The following RORA variants were observed in gnomAD, a reference collection of about 807,000 sequenced individuals.
RORA encodes the protein RAR related orphan receptor A, also known as nuclear receptor ROR-alpha.
Under a neutral mutation model 69.5 loss-of-function variants are expected in RORA, and 7 were observed. That is an observed-to-expected ratio of 0.10 (90% CI 0.06 to 0.19). The LOEUF (loss-of-function observed/expected upper bound fraction) is 0.19. RORA is among the 10% of genes least tolerant of loss of function. The pLI, the probability that RORA is intolerant of heterozygous loss-of-function variation, is 1.00. For missense variants in RORA, 457 were observed against 663.0 expected, an observed-to-expected ratio of 0.69 and a Z score of 3.41; for synonymous variants, 261 against 240.8, an observed-to-expected ratio of 1.08 and a Z score of -0.78.
intron 3 of RORA, among the ~76,000 whole-genome samples, chr15:60,516,211 ATATATATATATT>A (rs1286406160): frequency 0.45 from 7,904 of 17,430 alleles, 1,683 homozygotes; most frequent in South Asian, 0.51. Flanking sequence ...ATATATATTT[ATATATATATATT>A]TATATATATA....
At chr15:60,763,652 G>A (rs1441491339) in intron 1 of RORA, among the ~76,000 whole-genome samples, 1 of 152,046 alleles carries the variant, frequency 6.6e-6, no homozygotes, top group East Asian at 1.9e-4. Context: ...AAGCATACGT[G>A]GGAAAATATG....
At chr15:60,875,763 T>C (rs1008905784) in intron 1 of RORA, among the ~76,000 whole-genome samples, 3 of 152,156 alleles carry the variant, frequency 2.0e-5, no homozygotes, top group African/African-American at 7.2e-5. Flanking sequence ...TGGGAATAAA[T>C]TCTGCAGCCA....
intron 1 of RORA, among the ~76,000 whole-genome samples, chr15:60,896,429 C>G (rs1394314954): frequency 6.6e-6 from 1 of 152,220 alleles, no homozygotes; most frequent in East Asian, 1.9e-4. Flanking sequence ...CCATTAGACC[C>G]TTTAAAAACA....
intron 2 of RORA, among the ~76,000 whole-genome samples, chr15:60,574,936 G>A (rs771621123): frequency 6.6e-6 from 1 of 152,070 alleles, no homozygotes; most frequent in Non-Finnish European, 1.5e-5. Context: ...ACCCGGAAGA[G>A]CCAGGAGAGA....
intron 1 of RORA, among the ~76,000 whole-genome samples, chr15:61,206,021 C>T (rs1050464103): frequency 3.9e-5 from 6 of 152,120 alleles, no homozygotes; most frequent in Non-Finnish European, 8.8e-5. Flanking sequence ...TTCCTAAAGA[C>T]GCAGTGAGAA....
intron 1 of RORA, among the ~76,000 whole-genome samples, chr15:61,214,707 G>C (rs1442263469): frequency 2.0e-5 from 3 of 152,028 alleles, no homozygotes. Context: ...ACTGGAGATG[G>C]ACCAGGTAAA....
chr15:61,085,982 T>C (rs543769140), intron 1 of RORA, among the ~76,000 whole-genome samples: 15 of 152,348 alleles, frequency 9.8e-5, no homozygotes, highest in Non-Finnish European at 5.9e-5. Context: ...TGCTGGGTCA[T>C]AGTTTGTCAA....
chr15:60,954,780 T>G (rs1893218835), intron 1 of RORA, among the ~76,000 whole-genome samples: 1 of 152,190 alleles, frequency 6.6e-6, no homozygotes, highest in Non-Finnish European at 1.5e-5. Context: ...AGACCAGTTA[T>G]TTTTGCTGAG....
At chr15:61,114,244 C>T (rs2140793792) in intron 1 of RORA, among the ~76,000 whole-genome samples, 1 of 152,236 alleles carries the variant, frequency 6.6e-6, no homozygotes, top group East Asian at 1.9e-4. Context: ...CCCCCAAACC[C>T]AAGCAAACTC....
At chr15:60,589,772 A>T (rs905442388) in intron 2 of RORA, among the ~76,000 whole-genome samples, 1 of 152,286 alleles carries the variant, frequency 6.6e-6, no homozygotes, top group Middle Eastern at 3.4e-3. Context: ...ACTGATGTTT[A>T]AAAAACATCA....
At chr15:60,830,589 T>C (rs967306794) in intron 1 of RORA, among the ~76,000 whole-genome samples, 4 of 152,224 alleles carry the variant, frequency 2.6e-5, no homozygotes, top group Non-Finnish European at 4.4e-5. Context: ...TCTGTAACTG[T>C]CTTAGTGGCT....
chr15:60,859,655 C>CTTTTTTTTT (rs71122880), intron 1 of RORA, among the ~76,000 whole-genome samples: 3 of 101,590 alleles, frequency 3.0e-5, no homozygotes, highest in East Asian at 3.1e-4. Flanking sequence ...TTCTTTCTTT[C>CTTTTTTTTT]TTTTTTTTTT....
At chr15:60,902,277 T>C (rs2140469100) in intron 1 of RORA, among the ~76,000 whole-genome samples, 1 of 129,444 alleles carries the variant, frequency 7.7e-6, no homozygotes, top group East Asian at 2.1e-4. Context: ...ATTTCAATTT[T>C]ATGATTTTTT....
intron 1 of RORA, among the ~76,000 whole-genome samples, chr15:61,083,748 A>G (rs1247678269): frequency 6.6e-6 from 1 of 151,946 alleles, no homozygotes; most frequent in East Asian, 2.0e-4. Flanking sequence ...TGCTCTTCCC[A>G]GAAAAAATCA....
In RORA at chr15:60,491,557, T is replaced by C. The variant is rs1343278687; in HGVS notation, c.*5898A>G. The C allele has an allele frequency of 6.6e-6, 1 of 151,912 alleles. No individual in the cohort carries two copies. Among genetic ancestry groups the C allele is most frequent in the Non-Finnish European group, 1.5e-5 (1 of 67,948 alleles). The allele number at this position is 151,912 out of a possible 1,614,324, so 9.4% of individuals were successfully genotyped here. A position where few individuals can be genotyped will look rare whatever the true frequency, so the allele number is the denominator to read the frequency against. The stretch of plus-strand genomic sequence containing the variant: ...GAATATTCTGTCATTCATTTATAAA[T>C]AAATGACTGAATGTATTTATTGCTC... On this transcript the variant is annotated 3_prime_UTR_variant, in exon 11 of 11. Coordinates refer to ENST00000335670, the MANE Select transcript of RORA (RefSeq NM_134261.3).
intron 2 of RORA, among the ~76,000 whole-genome samples, chr15:60,663,929 G>A (rs920165702): frequency 2.0e-5 from 3 of 152,176 alleles, no homozygotes; most frequent in Non-Finnish European, 4.4e-5. Context: ...GGGATAGAAC[G>A]AGGAAGAACT....
intron 2 of RORA, among the ~76,000 whole-genome samples, chr15:60,619,940 T>C (rs1031581564): frequency 6.6e-6 from 1 of 152,228 alleles, no homozygotes; most frequent in Admixed American, 6.5e-5. Context: ...GTTCATTTAT[T>C]CAGGTTTCCA....
intron 2 of RORA, among the ~76,000 whole-genome samples, chr15:60,631,926 G>A (rs2069745942): frequency 6.6e-6 from 1 of 152,096 alleles, no homozygotes; most frequent in Non-Finnish European, 1.5e-5. Context: ...GCCAACCAGG[G>A]GCAAGTTAAC....
At chr15:60,916,935 T>C (rs773173116) in intron 1 of RORA, among the ~76,000 whole-genome samples, 13 of 152,000 alleles carry the variant, frequency 8.6e-5, no homozygotes, top group Non-Finnish European at 1.8e-4. Flanking sequence ...CTTAATAAAG[T>C]CTAATTTGGG....
Sources: allele counts gnomAD v4.1 joint callset (sites outside exome capture counted in the v4.1 genomes callset), GRCh38; gene constraint gnomAD v4.1.1; transcripts MANE v1.5; gene names NCBI Gene and HGNC (gene_info 2026-07-23, HGNC 2026-07-21).